The following AGMO variants were observed in gnomAD, a reference collection of about 807,000 sequenced individuals.
AGMO encodes alkylglycerol monooxygenase, also known as glyceryl-ether monooxygenase.
AGMO carries 75 observed loss-of-function variants against 60.2 expected under a neutral mutation model. That is an observed-to-expected ratio of 1.25 (90% confidence interval 1.03 to 1.51). AGMO has a LOEUF of 1.51. Ranked by LOEUF, AGMO falls within the 40% of genes most tolerant of loss-of-function variation. The pLI, the probability that AGMO is intolerant of heterozygous loss-of-function variation, is 0.00. For missense variants in AGMO, 763 were observed against 525.5 expected (o/e 1.45, Z -4.42); for synonymous variants, 261 against 177.1 (o/e 1.47, Z -3.76).
chr7:15,301,860 C>A (rs1383740459), intron 12 of AGMO, among the ~76,000 whole-genome samples: 3 of 151,800 alleles, frequency 2.0e-5, no homozygotes, highest in African/African-American at 7.3e-5. Context: ...TAGAAATGGG[C>A]TCAAGAAGGG....
At chr7:15,118,305 C>G in the AGMO span, among the ~76,000 whole-genome samples, 7 of 151,926 alleles carry the variant, frequency 4.6e-5, no homozygotes, top group Non-Finnish European at 5.9e-5. Flanking sequence ...GCTCAAAAAT[C>G]AGATATTGAC....
At chr7:15,480,327 T>C (rs758627608) in intron 3 of AGMO, among the ~76,000 whole-genome samples, 2 of 152,166 alleles carry the variant, frequency 1.3e-5, no homozygotes, top group African/African-American at 2.4e-5. Flanking sequence ...TTATGATTAA[T>C]GCAATAATGT....
intron 10 of AGMO, among the ~76,000 whole-genome samples, chr7:15,384,729 T>C (rs1220032572): frequency 3.3e-5 from 5 of 152,038 alleles, no homozygotes; most frequent in African/African-American, 4.8e-5. Context: ...ACAATTTAGT[T>C]ACCTTACTGC....
chr7:15,129,450 C>CT, the AGMO span, among the ~76,000 whole-genome samples: 8 of 152,084 alleles, frequency 5.3e-5, no homozygotes, highest in African/African-American at 1.7e-4. Flanking sequence ...TTTAAAGAAT[C>CT]TTTTTTGTGT....
At chr7:15,333,448 C>G (rs189424258) in intron 12 of AGMO, among the ~76,000 whole-genome samples, 67 of 151,920 alleles carry the variant, frequency 4.4e-4, no homozygotes, top group Non-Finnish European at 1.5e-5. Context: ...TTTTTTACCA[C>G]ATTAACAAGG....
chr7:15,437,964 T>C (rs1781446979), intron 3 of AGMO, among the ~76,000 whole-genome samples: 1 of 152,156 alleles, frequency 6.6e-6, no homozygotes, highest in South Asian at 2.1e-4. Context: ...TTCTATCCCA[T>C]AATCACACTT....
At chr7:15,368,994 TCAC>T (rs1408483210) in intron 10 of AGMO, among the ~76,000 whole-genome samples, 1 of 152,098 alleles carries the variant, frequency 6.6e-6, no homozygotes, top group Non-Finnish European at 1.5e-5. Flanking sequence ...CAACATATAT[TCAC>T]TAGTTTTCTT....
At chr7:15,443,171 T>C (rs2128502869) in intron 3 of AGMO, among the ~76,000 whole-genome samples, 1 of 152,352 alleles carries the variant, frequency 6.6e-6, no homozygotes, top group East Asian at 1.9e-4. Context: ...GAAAACCCTC[T>C]GTGCTTATGA....
the AGMO span, among the ~76,000 whole-genome samples, chr7:15,131,122 A>C: frequency 6.6e-6 from 1 of 152,076 alleles, no homozygotes; most frequent in Non-Finnish European, 1.5e-5. Context: ...CATATATCAG[A>C]AGGAGGCGTT....
the AGMO span, among the ~76,000 whole-genome samples, chr7:15,145,420 T>A: frequency 3.3e-5 from 5 of 152,248 alleles, no homozygotes; most frequent in East Asian, 7.7e-4. Flanking sequence ...AATACTGTCT[T>A]ATAGTATGAA....
intron 12 of AGMO, among the ~76,000 whole-genome samples, chr7:15,220,594 G>A (rs1178371506): frequency 6.6e-6 from 1 of 151,762 alleles, no homozygotes; most frequent in Admixed American, 6.6e-5. Context: ...ACTGTCTTGT[G>A]CATGTTAAGG....
the AGMO span, among the ~76,000 whole-genome samples, chr7:15,150,996 T>C: frequency 6.6e-6 from 1 of 152,036 alleles, no homozygotes; most frequent in African/African-American, 2.4e-5. Context: ...GATTTCACAA[T>C]TAGTTATTGG....
chr7:15,377,584 G>C (rs1218823544), intron 10 of AGMO, among the ~76,000 whole-genome samples: 2 of 151,914 alleles, frequency 1.3e-5, no homozygotes, highest in African/African-American at 4.8e-5. Flanking sequence ...TTGTTTCTAT[G>C]AATCAGTATA....
intron 3 of AGMO, among the ~76,000 whole-genome samples, chr7:15,486,838 G>A (rs543433638): frequency 6.6e-6 from 1 of 152,262 alleles, no homozygotes; most frequent in Non-Finnish European, 1.5e-5. Flanking sequence ...AAATCATTTT[G>A]CGTTAAGTAG....
intron 12 of AGMO, among the ~76,000 whole-genome samples, chr7:15,212,733 G>A (rs1308445466): frequency 6.6e-6 from 1 of 151,858 alleles, no homozygotes; most frequent in Non-Finnish European, 1.5e-5. Flanking sequence ...AGTGCTTTGA[G>A]TAGCATTTTG....
chr7:15,354,395 C>G (rs58033538), intron 12 of AGMO, among the ~76,000 whole-genome samples: 5,054 of 37,780 alleles, frequency 0.13, 751 homozygotes, highest in African/African-American at 0.19. Flanking sequence ...TGTGTGTATA[C>G]ACGTGTGTGT....
At chr7:15,462,603 A>AAGG in intron 3 of AGMO, among the ~76,000 whole-genome samples, 5 of 152,174 alleles carry the variant, frequency 3.3e-5, no homozygotes, top group Non-Finnish European at 5.9e-5. Context: ...CGAGCTTTAG[A>AAGG]TCTATATCTG....
At chr7:15,277,643 G>C (rs1783841142) in intron 12 of AGMO, among the ~76,000 whole-genome samples, 1 of 152,098 alleles carries the variant, frequency 6.6e-6, no homozygotes, top group African/African-American at 2.4e-5. Flanking sequence ...TCTGTCAGCA[G>C]GTTTTATATT....
chr7:15,441,632 C>T (rs1490841369), intron 3 of AGMO, among the ~76,000 whole-genome samples: 2 of 151,940 alleles, frequency 1.3e-5, no homozygotes. Context: ...CTAGGATTGG[C>T]AAGCACTCCT....
Sources: gnomAD v4.1 joint callset for allele counts (sites outside exome capture counted in the v4.1 genomes callset) on GRCh38, gnomAD v4.1.1 for gene constraint, MANE v1.5 for transcripts, NCBI Gene and HGNC (gene_info 2026-07-23, HGNC 2026-07-21) for gene names.